The following CLASP1 variants were observed in gnomAD, a reference collection of about 807,000 sequenced individuals.
CLASP1 encodes the protein cytoplasmic linker associated protein 1.
CLASP1 carries 38 observed loss-of-function variants against 192.3 expected under a neutral mutation model. The ratio of observed to expected loss-of-function variants is 0.20; its 90% CI spans 0.15 to 0.26. The LOEUF (loss-of-function observed/expected upper bound fraction) is 0.26. CLASP1 is among the 10% of genes least tolerant of loss of function. The pLI is 1.00. For missense variants in CLASP1, 1,433 were observed against 1,932.5 expected, an observed-to-expected ratio of 0.74 and a Z score of 4.85; for synonymous variants, 691 against 712.8, an observed-to-expected ratio of 0.97 and a Z score of 0.49.
At chr2:121,551,460 C>T (rs2058035198) in intron 2 of CLASP1, among the ~76,000 whole-genome samples, 2 of 152,130 alleles carry the variant, frequency 1.3e-5, no homozygotes, top group South Asian at 2.1e-4. Context: ...CCCACAGTCT[C>T]GGCCCAAAAG....
rs527898162 is a variant in CLASP1 at position 121,452,000 on chromosome 2, T to G, written c.1386-151A>C. Among the ~76,000 whole-genome samples the G allele has an allele frequency of 7.9e-5, 12 of 152,252 alleles. No homozygotes were observed. In the East Asian group the frequency reaches 1.3e-3, roughly 17 times the overall value. On this transcript the variant is annotated intron_variant, in intron 14 of 39. Transcript: ENST00000263710. ...AGAAAAACAGAACATAAAGAATGAA[T>G]CAGAACTGACTAAAAACCAAAGCAA... is the stretch of plus-strand genomic sequence containing the variant.
intron 8 of CLASP1, among the ~76,000 whole-genome samples, chr2:121,500,970 T>C (rs985936750): frequency 6.6e-6 from 1 of 152,186 alleles, no homozygotes; most frequent in Non-Finnish European, 1.5e-5. Flanking sequence ...CCTAGCCACT[T>C]AGAATAAAAT....
At chr2:121,389,082 C>T (rs2073870335) in intron 30 of CLASP1, among the ~76,000 whole-genome samples, 1 of 151,904 alleles carries the variant, frequency 6.6e-6, no homozygotes, top group Admixed American at 6.6e-5. Flanking sequence ...ATCCAAAAAC[C>T]CAAAGGTATT....
At chr2:121,561,270 T>C (rs949488870) in intron 2 of CLASP1, among the ~76,000 whole-genome samples, 1 of 152,246 alleles carries the variant, frequency 6.6e-6, no homozygotes, top group Middle Eastern at 3.2e-3. Context: ...ACTATAGGTT[T>C]GATCTTTAGA....
intron 33 of CLASP1, among the ~76,000 whole-genome samples, chr2:121,378,777 T>C (rs2070892574): frequency 1.3e-5 from 2 of 152,142 alleles, no homozygotes; most frequent in Non-Finnish European, 2.9e-5. Context: ...AATCCTTGGC[T>C]GTAAGCATGC....
intron 23 of CLASP1, among the ~76,000 whole-genome samples, chr2:121,416,515 A>C (rs1296216503): frequency 6.6e-6 from 1 of 152,158 alleles, no homozygotes; most frequent in Non-Finnish European, 1.5e-5. Context: ...GAGATTATTA[A>C]AATGAATGAG....
chr2:121,511,020 C>G lies in CLASP1; in HGVS notation c.644+4645G>C, dbSNP rs77934400. Among the ~76,000 whole-genome samples the G allele has an allele frequency of 8.5e-3, 1,300 of 152,124 alleles. 20 individuals carry two copies. The highest frequency in any genetic ancestry group is 0.03 in the African/African-American group (1,252 of 41,500). ...CCAGTTCAGGCTGAAACAGGCTTCACAGACTTACACAACTGGCAGAGAGGT... is the reference window on the plus strand; with the variant it reads ...CCAGTTCAGGCTGAAACAGGCTTCAGAGACTTACACAACTGGCAGAGAGGT... On this transcript the variant is annotated intron_variant, in intron 7 of 39. Transcript: ENST00000263710.
chr2:121,469,930 T>A, exon 9 of CLASP1: 1 of 1,611,206 alleles, frequency 6.2e-7, no homozygotes. Flanking sequence ...TCTGTTACCA[T>A]CCACAGAATC....
chr2:121,379,263 A>G (rs1457575379), intron 33 of CLASP1, among the ~76,000 whole-genome samples: 1 of 152,216 alleles, frequency 6.6e-6, no homozygotes, highest in Non-Finnish European at 1.5e-5. Flanking sequence ...AGCATCAAAC[A>G]AAAAGAAATG....
At chr2:121,591,144 G>A (rs1294152365) in intron 2 of CLASP1, among the ~76,000 whole-genome samples, 1 of 152,144 alleles carries the variant, frequency 6.6e-6, no homozygotes, top group Middle Eastern at 3.4e-3. Context: ...GGGATTACAG[G>A]TGTGAGCCAC....
At chr2:121,610,622 T>TAGA in intron 1 of CLASP1, among the ~76,000 whole-genome samples, 1 of 72,576 alleles carries the variant, frequency 1.4e-5, no homozygotes, top group East Asian at 4.4e-4. Flanking sequence ...GAAGAGGAAC[T>TAGA]GGAGGAGGAG....
intron 1 of CLASP1, among the ~76,000 whole-genome samples, chr2:121,610,531 CAGGAGGAAGAGGAGCTGG>C (rs2065157427): frequency 9.0e-6 from 1 of 111,058 alleles, no homozygotes; most frequent in East Asian, 2.9e-4. Context: ...GGAGGAGTTA[CAGGAGGAAGAGGAGCTGG>C]AGGAGGAAGA....
chr2:121,594,345 C>T (rs1261319822), intron 2 of CLASP1, among the ~76,000 whole-genome samples: 5 of 151,524 alleles, frequency 3.3e-5, no homozygotes, highest in Non-Finnish European at 7.4e-5. Context: ...ATTAGCATGA[C>T]AACAGGTGAA....
rs566138528 is a variant in CLASP1, at chr2:121,503,077, A to T, written c.712+90T>A. The T allele has an allele frequency of 3.3e-5, 27 of 810,412 alleles. 1 individual carries two copies. The highest frequency in any genetic ancestry group is 2.0e-6 in the Non-Finnish European group (1 of 502,438). The allele number at this position is 810,412 out of a possible 1,614,324, so 50.2% of individuals were successfully genotyped here. A position where few individuals can be genotyped will look rare whatever the true frequency, so the allele number is the denominator to read the frequency against. On this transcript the variant is annotated intron_variant, in intron 8 of 39. Coordinates refer to ENST00000263710, the Ensembl canonical transcript of CLASP1. ...GTTTTAAGACTTAGAAACTCTTACT[A>T]AATTACCTAATTCAGCTCTTCACAT...
intron 2 of CLASP1, chr2:121,530,784 G>A: frequency 3.5e-6 from 2 of 573,640 alleles, no homozygotes; most frequent in Non-Finnish European, 6.3e-6. Flanking sequence ...AGGTAAGCTA[G>A]CTACCAGACC....
chr2:121,645,191 A>G (rs569547356), intron 1 of CLASP1, among the ~76,000 whole-genome samples: 1 of 152,330 alleles, frequency 6.6e-6, no homozygotes, highest in South Asian at 2.1e-4. Context: ...AGAGAGTTTA[A>G]TAAGTAAATT....
chr2:121,371,812 C>T (rs766597807), intron 34 of CLASP1, among the ~76,000 whole-genome samples: 2 of 152,202 alleles, frequency 1.3e-5, no homozygotes, highest in Non-Finnish European at 2.9e-5. Flanking sequence ...CTCTCCTCCA[C>T]TGTGTAGGCA....
At chr2:121,540,165 C>T (rs918166864) in intron 2 of CLASP1, among the ~76,000 whole-genome samples, 2 of 152,222 alleles carry the variant, frequency 1.3e-5, no homozygotes, top group African/African-American at 4.8e-5. Context: ...AGCACTACTA[C>T]AGTAGCCAAA....
intron 8 of CLASP1, chr2:121,470,743 T>C (rs2090563903): frequency 7.4e-6 from 3 of 404,220 alleles, no homozygotes; most frequent in South Asian, 3.7e-5. Context: ...TCTTGATGTA[T>C]AGTGCCAAAA....
Sources: allele counts gnomAD v4.1 joint callset (sites outside exome capture counted in the v4.1 genomes callset), GRCh38; gene constraint gnomAD v4.1.1; transcripts MANE v1.5; gene names NCBI Gene and HGNC (gene_info 2026-07-23, HGNC 2026-07-21).